LYRM7: variants seen among roughly 807,000 people sequenced by gnomAD.
The protein encoded by LYRM7 is LYR motif containing 7.
LYRM7 carries 9 observed loss-of-function variants against 15.8 expected under a neutral mutation model. The ratio of observed to expected loss-of-function variants is 0.57; its 90% confidence interval spans 0.34 to 0.99. The LOEUF (loss-of-function observed/expected upper bound fraction) is 0.99, where lower values mean the gene tolerates loss of function less well. LYRM7 is among the 50% of genes least tolerant of loss of function. The probability of loss-of-function intolerance (pLI) is 0.02; values close to 1 mark genes in which losing one functional copy is unlikely to be tolerated. For synonymous variants in LYRM7, 39 were observed against 39.4 expected (o/e 0.99, Z 0.04); for missense variants, 115 against 119.1 (o/e 0.97, Z 0.16).
intron 4 of LYRM7, among the ~76,000 whole-genome samples, chr5:131,190,936 AT>A (rs1157416324): frequency 1.3e-5 from 2 of 152,102 alleles, no homozygotes; most frequent in African/African-American, 2.4e-5. Flanking sequence ...GATATATATT[AT>A]TTTTATCATA....
chr5:131,193,134 C>T (rs1042671174), intron 4 of LYRM7, among the ~76,000 whole-genome samples: 2 of 152,248 alleles, frequency 1.3e-5, no homozygotes, highest in African/African-American at 4.8e-5. Context: ...CTCCAAGAAG[C>T]TGTTCTTTAG....
At chr5:131,199,431 G>T in intron 4 of LYRM7, 100 bp from the exon 5 acceptor site, 1 of 768,234 alleles carries the variant, frequency 1.3e-6, no homozygotes. Flanking sequence ...TCTTAAAACT[G>T]GATATTTTAC....
chr5:131,191,330 C>T (rs941017639), intron 4 of LYRM7, among the ~76,000 whole-genome samples: 3 of 152,014 alleles, frequency 2.0e-5, no homozygotes, highest in Non-Finnish European at 4.4e-5. Flanking sequence ...AATAAAAATT[C>T]TGCTTCTTGT....
At chr5:131,178,208 A>G (rs1297944541) in intron 1 of LYRM7, among the ~76,000 whole-genome samples, 1 of 152,216 alleles carries the variant, frequency 6.6e-6, no homozygotes. Flanking sequence ...AGCACACAGT[A>G]TGCTTAGTAA....
chr5:131,202,888 G>C lies in LYRM7; in HGVS notation c.*3287G>C, dbSNP rs1561551839. ...GAAATGGTATATAGCAGGAGAGTCAGATTTGAGAAGCATATGTAGATTCGA... is the reference window on the plus strand; with the variant it reads ...GAAATGGTATATAGCAGGAGAGTCACATTTGAGAAGCATATGTAGATTCGA... On this transcript the variant is annotated 3_prime_UTR_variant, in exon 5 of 5. Coordinates refer to ENST00000379380, the MANE Select transcript of LYRM7 (RefSeq NM_181705.4). 6.6e-6 allele frequency: 1 copy of C among 152,336 alleles called. No individual in the cohort carries two copies. Among genetic ancestry groups the C allele is most frequent in the Non-Finnish European group, 1.5e-5 (1 of 68,036 alleles). 9.4% of individuals were successfully genotyped at this position (152,336 alleles called of 1,614,324 possible). A position where few individuals can be genotyped will look rare whatever the true frequency, so the allele number is the denominator to read the frequency against.
At chr5:131,197,742 G>T (rs779164129) in intron 4 of LYRM7, among the ~76,000 whole-genome samples, 7 of 150,960 alleles carry the variant, frequency 4.6e-5, no homozygotes, top group East Asian at 1.9e-4. Flanking sequence ...ACAGAGTCTC[G>T]CTGTGTTTCC....
intron 1 of LYRM7, among the ~76,000 whole-genome samples, chr5:131,173,303 A>C (rs1360556827): frequency 6.6e-6 from 1 of 152,226 alleles, no homozygotes; most frequent in Non-Finnish European, 1.5e-5. Flanking sequence ...TACCTAGGTG[A>C]TGCTGCAGGT....
At chr5:131,189,300 A>G (rs1042583111) in intron 4 of LYRM7, among the ~76,000 whole-genome samples, 2 of 151,938 alleles carry the variant, frequency 1.3e-5, no homozygotes, top group African/African-American at 4.8e-5. Context: ...AAAATTAGCC[A>G]GGCATGGTGG....
At chr5:131,194,620 T>C (rs1163364846) in intron 4 of LYRM7, among the ~76,000 whole-genome samples, 2 of 152,142 alleles carry the variant, frequency 1.3e-5, no homozygotes, top group Admixed American at 6.6e-5. Context: ...AAGTTCCTCA[T>C]GGAGAAGAGA....
intron 3 of LYRM7, among the ~76,000 whole-genome samples, chr5:131,183,518 C>G (rs965357622): frequency 2.6e-5 from 4 of 151,998 alleles, no homozygotes; most frequent in Non-Finnish European, 5.9e-5. Flanking sequence ...CTACAATCTC[C>G]CAAATTCATT....
intron 1 of LYRM7, among the ~76,000 whole-genome samples, chr5:131,175,952 G>A (rs549478599): frequency 2.6e-5 from 4 of 152,014 alleles, no homozygotes; most frequent in Non-Finnish European, 4.4e-5. Flanking sequence ...TAGAGACAGG[G>A]TTTCACCATG....
At chr5:131,185,994 T>C (rs2149662919) in intron 3 of LYRM7, among the ~76,000 whole-genome samples, 1 of 152,346 alleles carries the variant, frequency 6.6e-6, no homozygotes, top group East Asian at 1.9e-4. Flanking sequence ...TAGCTAAGTC[T>C]AAATAATCTT....
In LYRM7 at chr5:131,180,122, A is replaced by C; in HGVS notation, c.46A>C (p.Arg16=). The C allele has an allele frequency of 6.2e-7, 1 of 1,613,118 alleles. No individual in the cohort carries two copies. The highest frequency in any genetic ancestry group is 8.5e-7 in the Non-Finnish European group (1 of 1,179,292). ...KVLQLFKTLH[R]TRQQVFKNDA... is the part of the protein sequence containing the mutation. ...TTTACAGCTCTTTAAAACACTGCAC[A>C]GGACCAGACAACAAGTTTTTAAAAA... Residue 16 remains arginine (R), a synonymous_variant, in exon 2 of 5, where the codon AGG becomes CGG. Coordinates refer to ENST00000379380, the MANE Select transcript of LYRM7 (RefSeq NM_181705.4).
chr5:131,177,674 T>C (rs1037675450), intron 1 of LYRM7, among the ~76,000 whole-genome samples: 18 of 152,226 alleles, frequency 1.2e-4, no homozygotes, highest in African/African-American at 4.3e-4. Flanking sequence ...CTTAACATCA[T>C]GCTGTGCTGT....
At position 131,204,809 on chromosome 5, in the gene LYRM7, G is replaced by A. The variant is rs1756148009; in HGVS notation, c.*5208G>A. On this transcript the variant is annotated 3_prime_UTR_variant, in exon 5 of 5. Coordinates refer to ENST00000379380, the MANE Select transcript of LYRM7 (RefSeq NM_181705.4). ...ACTTATATACAAGAAAACTTTTTGTGTACATATTTGCATATATATGTACAA... is the reference window on the plus strand; with the variant it reads ...ACTTATATACAAGAAAACTTTTTGTATACATATTTGCATATATATGTACAA... 6.6e-6 allele frequency: 1 copy of A among 151,818 alleles called. No individual in the cohort carries two copies. Among genetic ancestry groups the A allele is most frequent in the Admixed American group, 6.6e-5 (1 of 15,194 alleles). The allele number at this position is 151,818 out of a possible 1,614,324, so 9.4% of individuals were successfully genotyped here. A position where few individuals can be genotyped will look rare whatever the true frequency, so the allele number is the denominator to read the frequency against.
intron 1 of LYRM7, among the ~76,000 whole-genome samples, chr5:131,179,469 T>G (rs1406320943): frequency 1.0e-5 from 1 of 98,308 alleles, no homozygotes; most frequent in Non-Finnish European, 2.0e-5. Context: ...TTTTTTTTTT[T>G]TTTCTTTTTT....
At chr5:131,192,101 T>C (rs1037798391) in intron 4 of LYRM7, among the ~76,000 whole-genome samples, 14 of 147,982 alleles carry the variant, frequency 9.5e-5, no homozygotes, top group Middle Eastern at 3.5e-3. Flanking sequence ...TATTCAGCCA[T>C]AAAAACAAGG....
At chr5:131,184,698 C>G (rs2149662570) in intron 3 of LYRM7, among the ~76,000 whole-genome samples, 1 of 151,982 alleles carries the variant, frequency 6.6e-6, no homozygotes, top group Middle Eastern at 3.4e-3. Context: ...TCTGGACCCG[C>G]CTAATCCCTT....
chr5:131,192,716 C>G (rs1220152162), intron 4 of LYRM7, among the ~76,000 whole-genome samples: 1 of 151,988 alleles, frequency 6.6e-6, no homozygotes, highest in Admixed American at 6.6e-5. Flanking sequence ...ATTTTCTGCT[C>G]TATTTTTTGT....
Sources: allele counts gnomAD v4.1 joint callset (sites outside exome capture counted in the v4.1 genomes callset), GRCh38; gene constraint gnomAD v4.1.1; transcripts MANE v1.5; gene names NCBI Gene and HGNC (gene_info 2026-07-23, HGNC 2026-07-21).